The following SCN1A variants were observed in gnomAD, a reference collection of about 807,000 sequenced individuals.
The protein encoded by SCN1A is sodium voltage-gated channel alpha subunit 1, also known as sodium channel protein type 1 subunit alpha.
Under a neutral mutation model 193.7 loss-of-function variants are expected in SCN1A, and 13 were observed. That is an observed-to-expected ratio of 0.07 (90% CI 0.04 to 0.11). SCN1A has a LOEUF of 0.11. Among genes scored for constraint, SCN1A ranks in the 10% least tolerant of loss-of-function variants. The probability of loss-of-function intolerance (pLI) is 1.00; values close to 1 mark genes in which losing one functional copy is unlikely to be tolerated. For missense variants in SCN1A, 1,432 were observed against 2,451.1 expected (o/e 0.58, Z 8.78); for synonymous variants, 781 against 843.6 (o/e 0.93, Z 1.29).
In SCN1A at chr2:166,042,333, C is replaced by T. The variant is rs138799232; in HGVS notation, c.2135G>A (p.Arg712Gln). 2.4e-5 allele frequency: 38 copies of T among 1,613,740 alleles called. No individual in the cohort carries two copies. The highest frequency in any genetic ancestry group is 1.2e-4 in the South Asian group (11 of 91,076). Reference protein sequence around the residue: ...DFLEDPSQRQRAMSIASILTN... With the variant: ...DFLEDPSQRQQAMSIASILTN... ...TAGAATGCTGGCTATACTCATTGCTCGTTGCCTTTGGGAAGGATCTTCTAG... is the reference window on the plus strand; with the variant it reads ...TAGAATGCTGGCTATACTCATTGCTTGTTGCCTTTGGGAAGGATCTTCTAG... Residue 712 changes from arginine to glutamine, a missense_variant, in exon 15 of 29, where the codon CGA becomes CAA. Arg to Gln is a conservative substitution (Grantham distance 43). This residue lies in a region of SCN1A where 316 missense variants were observed against 362.1 expected (regional missense o/e 0.87). Transcript: ENST00000674923.
intron 19 of SCN1A, among the ~76,000 whole-genome samples, chr2:166,017,887 G>A (rs1344154777): frequency 3.3e-5 from 5 of 151,872 alleles, no homozygotes; most frequent in African/African-American, 1.2e-4. Context: ...TCTATACCAA[G>A]ACTCACAAAA....
At chr2:166,029,128 G>A (rs1164799193) in intron 19 of SCN1A, among the ~76,000 whole-genome samples, 1 of 152,118 alleles carries the variant, frequency 6.6e-6, no homozygotes, top group Admixed American at 6.6e-5. Context: ...ACTATTCCAT[G>A]ATACTGAAGG....
intron 19 of SCN1A, 124 bp from the exon 20 acceptor site, chr2:166,015,851 A>C: frequency 9.4e-7 from 1 of 1,069,080 alleles, no homozygotes; most frequent in Non-Finnish European, 1.4e-6. Flanking sequence ...TTTTTAGAGA[A>C]AAAGAGAGAT....
chr2:166,042,161 A>G, intron 15 of SCN1A, 131 bp downstream of exon 15: 1 of 864,310 alleles, frequency 1.2e-6, no homozygotes. Context: ...GATATAAGAA[A>G]TAACAGCTCT....
intron 2 of SCN1A, chr2:166,126,258 A>C (rs1440887220): frequency 6.6e-6 from 1 of 152,224 alleles, no homozygotes; most frequent in Non-Finnish European, 1.5e-5. Flanking sequence ...AGGAAGGCCT[A>C]AATTGCAAAA....
intron 2 of SCN1A, among the ~76,000 whole-genome samples, chr2:166,109,780 C>T (rs1689098521): frequency 2.0e-5 from 3 of 152,078 alleles, no homozygotes; most frequent in African/African-American, 7.2e-5. Context: ...ACATGCTGTT[C>T]CCGTCTCTCT....
chr2:166,070,226 G>A (rs944177650), intron 4 of SCN1A, among the ~76,000 whole-genome samples: 4 of 152,162 alleles, frequency 2.6e-5, no homozygotes, highest in African/African-American at 9.7e-5. Flanking sequence ...ACTCAATCAT[G>A]TGTTCTAAGC....
At chr2:165,998,232 C>A in intron 25 of SCN1A, 57 bp from the exon 26 acceptor site, 2 of 1,415,766 alleles carry the variant, frequency 1.4e-6, no homozygotes, top group South Asian at 2.5e-5. Context: ...CTGGAAATGT[C>A]ACTGGTGCTT....
intron 5 of SCN1A, 57 bp from the exon 6 acceptor site, chr2:166,056,557 A>G (rs1309607266): frequency 1.5e-6 from 2 of 1,303,092 alleles, no homozygotes; most frequent in African/African-American, 1.5e-5. Context: ...GTTATATTAC[A>G]AAAAGCTAAC....
At chr2:166,087,165 GAAA>G (rs535216262) in intron 2 of SCN1A, among the ~76,000 whole-genome samples, 2 of 124,692 alleles carry the variant, frequency 1.6e-5, no homozygotes, top group Non-Finnish European at 1.7e-5. Flanking sequence ...AGAACTGGTT[GAAA>G]AAAAAAAAAA....
intron 10 of SCN1A, 133 bp downstream of exon 10, chr2:166,048,753 C>A (rs932802917): frequency 1.3e-5 from 9 of 676,038 alleles, no homozygotes; most frequent in Non-Finnish European, 2.1e-5. Flanking sequence ...TTATCAAAAA[C>A]CTTACATATA....
chr2:166,101,614 A>AGC (rs1688092375), intron 2 of SCN1A, among the ~76,000 whole-genome samples: 1 of 152,188 alleles, frequency 6.6e-6, no homozygotes, highest in African/African-American at 2.4e-5. Flanking sequence ...AATCGATAAT[A>AGC]GCAAGCAAGG....
chr2:166,007,648 G>A (rs1691836685), intron 23 of SCN1A, among the ~76,000 whole-genome samples: 1 of 151,340 alleles, frequency 6.6e-6, no homozygotes, highest in African/African-American at 2.4e-5. Flanking sequence ...TAATTTATTT[G>A]TTACTTTCTA....
chr2:166,107,409 C>T (rs1267363395), intron 2 of SCN1A, among the ~76,000 whole-genome samples: 1 of 152,024 alleles, frequency 6.6e-6, no homozygotes, highest in Non-Finnish European at 1.5e-5. Context: ...TTTGGAATAA[C>T]AACACCTAAG....
chr2:166,076,709 G>A (rs552560357), intron 3 of SCN1A, among the ~76,000 whole-genome samples: 17 of 151,980 alleles, frequency 1.1e-4, no homozygotes, highest in Non-Finnish European at 1.8e-4. Context: ...CAATGGAATA[G>A]GATAGTGAGT....
At chr2:166,074,520 A>C (rs73969790) in intron 3 of SCN1A, among the ~76,000 whole-genome samples, 11,692 of 152,236 alleles carry the variant, frequency 0.077, 1,219 homozygotes, top group African/African-American at 0.24. Flanking sequence ...CTGATTCTAT[A>C]GTCCTATAGT....
At chr2:166,060,898 A>T (rs4667503) in intron 4 of SCN1A, 101,089 of 151,878 alleles carry the variant, frequency 0.67, 34,084 homozygotes, top group East Asian at 0.89. Context: ...TATTAGGGGC[A>T]CAGGTAGGAG....
At chr2:166,005,249 T>C (rs1691503004) in intron 23 of SCN1A, among the ~76,000 whole-genome samples, 1 of 151,396 alleles carries the variant, frequency 6.6e-6, no homozygotes, top group Non-Finnish European at 1.5e-5. Context: ...AAAATAATGG[T>C]TGACAAAAAT....
At chr2:166,056,551 T>C (rs760488322) in intron 5 of SCN1A, 51 bp from the exon 6 acceptor site, 2 of 1,342,476 alleles carry the variant, frequency 1.5e-6, no homozygotes, top group South Asian at 1.2e-5. Context: ...CCAAGTGTTA[T>C]ATTACAAAAA....
Sources: gnomAD v4.1 joint callset for allele counts (sites outside exome capture counted in the v4.1 genomes callset) on GRCh38, gnomAD v4.1.1 for gene constraint, gnomAD v4.1.1 regional missense constraint, MANE v1.5 for transcripts, NCBI Gene and HGNC (gene_info 2026-07-23, HGNC 2026-07-21) for gene names.